Variants in SCCPDH observed in about 807,000 individuals in gnomAD.
The protein encoded by SCCPDH is saccharopine dehydrogenase-like oxidoreductase.
In SCCPDH, 34 loss-of-function variants were observed where a neutral mutation model predicts 51.5. That is an observed-to-expected ratio of 0.66 (90% CI 0.50 to 0.88). SCCPDH has a LOEUF of 0.88. Among genes scored for constraint, SCCPDH ranks in the 40% least tolerant of loss-of-function variants. The probability of loss-of-function intolerance (pLI) is 0.00; values close to 1 mark genes in which losing one functional copy is unlikely to be tolerated. For synonymous variants in SCCPDH, 187 were observed against 191.3 expected (o/e 0.98, Z 0.19); for missense variants, 464 against 527.1 (o/e 0.88, Z 1.17).
At chr1:246,752,577 G>T (rs967475843) in intron 5 of SCCPDH, among the ~76,000 whole-genome samples, 1 of 152,156 alleles carries the variant, frequency 6.6e-6, no homozygotes, top group African/African-American at 2.4e-5. Context: ...TAAAGGAATA[G>T]GGTATTGCTT....
At chr1:246,759,873 A>C in intron 7 of SCCPDH, 84 bp from the exon 8 acceptor site, 1 of 1,397,588 alleles carries the variant, frequency 7.2e-7, no homozygotes, top group Non-Finnish European at 9.8e-7. Context: ...TTGTGATGGA[A>C]GAGAAAGGTA....
chr1:246,758,628 G>A (rs1018477705), intron 6 of SCCPDH, among the ~76,000 whole-genome samples: 4 of 152,128 alleles, frequency 2.6e-5, no homozygotes, highest in Non-Finnish European at 5.9e-5. Flanking sequence ...AATAAAACAT[G>A]TGAATCCTAG....
chr1:246,749,046 A>G (rs935326776), intron 5 of SCCPDH, among the ~76,000 whole-genome samples: 6 of 152,200 alleles, frequency 3.9e-5, no homozygotes, highest in African/African-American at 1.4e-4. Context: ...TGGAGGCCAC[A>G]TGGCCCTCGG....
Position 246,759,095 on chromosome 1 carries a change from G to A in SCCPDH, c.757G>A (p.Val253Met). The A allele has an allele frequency of 1.2e-6, 2 of 1,612,668 alleles. No homozygotes were observed. Among genetic ancestry groups the A allele is most frequent in the East Asian group, 4.5e-5 (2 of 44,876 alleles). The change falls in exon 7 of 12, where the codon GTG becomes ATG. Residue 253 changes from valine to methionine, a missense_variant. Physicochemically the swap from Val to Met is conservative, Grantham distance 21 (BLOSUM62 1). Transcript: ENST00000366510. ...GYSIPFMGSD[V>M]SVVRRTQRYL... is the part of the protein sequence containing the mutation. ...TTCCATTCCTTTTATGGGATCTGAT[G>A]TGTCTGTTGTAAGGAGGACTCAACG...
chr1:246,763,601 G>A (rs1030809630), intron 9 of SCCPDH, among the ~76,000 whole-genome samples: 3 of 152,114 alleles, frequency 2.0e-5, no homozygotes, highest in Admixed American at 6.5e-5. Context: ...AGTTATGCCT[G>A]TATGTTTTAG....
chr1:246,730,524 G>A (rs1354168242), intron 2 of SCCPDH, among the ~76,000 whole-genome samples: 1 of 152,212 alleles, frequency 6.6e-6, no homozygotes, highest in African/African-American at 2.4e-5. Context: ...CCCTCTCTGT[G>A]TGATGGAAAC....
intron 9 of SCCPDH, 70 bp downstream of exon 9, chr1:246,760,297 T>C: frequency 1.6e-6 from 2 of 1,283,704 alleles, no homozygotes; most frequent in Non-Finnish European, 2.2e-6. Context: ...ATCTAACACT[T>C]GACAGGGCAC....
chr1:246,759,692 G>A (rs1668983079), intron 7 of SCCPDH, among the ~76,000 whole-genome samples: 1 of 152,186 alleles, frequency 6.6e-6, no homozygotes, highest in African/African-American at 2.4e-5. Flanking sequence ...TGCCCAAGTA[G>A]GGGAAGCTAA....
At chr1:246,752,133 A>G (rs988502744) in intron 5 of SCCPDH, among the ~76,000 whole-genome samples, 2 of 151,960 alleles carry the variant, frequency 1.3e-5, no homozygotes, top group African/African-American at 4.8e-5. Flanking sequence ...TCCAAAGCAC[A>G]CTGCCTTCAT....
At chr1:246,756,139 G>A (rs1275564362) in intron 5 of SCCPDH, among the ~76,000 whole-genome samples, 11 of 152,158 alleles carry the variant, frequency 7.2e-5, no homozygotes, top group Admixed American at 7.2e-4. Context: ...AAGTCAAAAG[G>A]CTAGCTGCAA....
chr1:246,740,284 C>T lies in SCCPDH; in HGVS notation c.497C>T (p.Thr166Ile), dbSNP rs1163496425. The T allele has an allele frequency of 6.3e-7, 1 of 1,593,426 alleles. No individual in the cohort carries two copies. The highest frequency in any genetic ancestry group is 2.3e-5 in the East Asian group (1 of 44,438). Residue 166 changes from threonine to isoleucine, a missense_variant, in exon 4 of 12, where the codon ACC becomes ATC. By Grantham distance (89) the Thr-to-Ile change is moderately conservative (BLOSUM62 -1). Coordinates refer to ENST00000366510, the MANE Select transcript of SCCPDH (RefSeq NM_016002.3). ...CCAGCAGATCTGGGAGTAATATATA[C>T]CAGAAATAAAATGAATGGTAATTAT... ...SIPADLGVIY[T>I]RNKMNGTLTA...
chr1:246,762,805 C>T (rs775037812), intron 9 of SCCPDH, among the ~76,000 whole-genome samples: 10 of 147,124 alleles, frequency 6.8e-5, no homozygotes, highest in Non-Finnish European at 1.3e-4. Flanking sequence ...CACACCACTG[C>T]ACTCCAGCCT....
rs1381091360 is a variant in SCCPDH at position 246,758,946 on chromosome 1, G to A, written c.696-88G>A. 4 of 813,740 alleles carry A rather than the reference G, an allele frequency of 4.9e-6. No homozygotes were observed. The East Asian group carries it at 9.9e-5, about 20-fold the overall frequency. 50.4% of individuals were successfully genotyped at this position (813,740 alleles called of 1,614,324 possible). On this transcript the variant is annotated intron_variant, in intron 6 of 11. Coordinates refer to ENST00000366510, the MANE Select transcript of SCCPDH (RefSeq NM_016002.3). ...TGGGATTACAGGCATGAGCCACCAT[G>A]CCCTGCCACTGATTTGCTTATTCAG...
intron 2 of SCCPDH, among the ~76,000 whole-genome samples, chr1:246,735,627 G>A (rs974110409): frequency 2.0e-5 from 3 of 152,216 alleles, no homozygotes; most frequent in African/African-American, 7.2e-5. Flanking sequence ...CACCTTCCAG[G>A]TTCAAACCAT....
At chr1:246,761,268 G>A (rs1265533785) in intron 9 of SCCPDH, among the ~76,000 whole-genome samples, 2 of 152,106 alleles carry the variant, frequency 1.3e-5, no homozygotes, top group African/African-American at 2.4e-5. Flanking sequence ...GTAGAGACAC[G>A]GTTTCACCAA....
rs569879567 is a variant in SCCPDH, at chr1:246,726,661, T to A, written c.191-231T>A. On this transcript the variant is annotated intron_variant, in intron 1 of 11. Transcript: ENST00000366510. ...CACAACGCTTTGATTCGATTTTTTT[T>A]AAAAGGTCAGTTTTTTAGTAACTCT... Among the ~76,000 whole-genome samples the A allele has an allele frequency of 7.9e-4, 121 of 152,370 alleles. 1 individual carries two copies. The highest frequency in any genetic ancestry group is 2.7e-3 in the African/African-American group (112 of 41,586).
intron 5 of SCCPDH, among the ~76,000 whole-genome samples, chr1:246,757,514 A>C (rs1668950623): frequency 6.6e-6 from 1 of 152,068 alleles, no homozygotes. Context: ...AGTCTCATGA[A>C]AGGATGAAAA....
chr1:246,767,123 A>G (rs1669096859), intron 11 of SCCPDH, 72 bp from the exon 12 acceptor site: 1 of 1,007,536 alleles, frequency 9.9e-7, no homozygotes, highest in Admixed American at 2.8e-5. Flanking sequence ...TAGCAATTTG[A>G]TAGTGAGGCC....
intron 5 of SCCPDH, among the ~76,000 whole-genome samples, chr1:246,749,400 G>A (rs1668818203): frequency 6.6e-6 from 1 of 152,208 alleles, no homozygotes; most frequent in Admixed American, 6.5e-5. Flanking sequence ...AGAAAGTTTG[G>A]TTAGTGGAGA....
Sources: gnomAD v4.1 joint callset for allele counts (sites outside exome capture counted in the v4.1 genomes callset) on GRCh38, gnomAD v4.1.1 for gene constraint, MANE v1.5 for transcripts, NCBI Gene and HGNC (gene_info 2026-07-23, HGNC 2026-07-21) for gene names.